The following INPP4B variants were observed in gnomAD, a reference collection of about 807,000 sequenced individuals.
The protein encoded by INPP4B is inositol polyphosphate-4-phosphatase type II B, also known as inositol polyphosphate 4-phosphatase type II.
INPP4B carries 55 observed loss-of-function variants against 122.5 expected under a neutral mutation model. The observed-to-expected ratio is 0.45, with a 90% confidence interval of 0.36 to 0.56. The LOEUF (loss-of-function observed/expected upper bound fraction) is 0.56. INPP4B is among the 20% of genes least tolerant of loss of function. The pLI, the probability that INPP4B is intolerant of heterozygous loss-of-function variation, is 0.00. For synonymous variants in INPP4B, 403 were observed against 388.7 expected, an observed-to-expected ratio of 1.04 and a Z score of -0.43; for missense variants, 1,000 against 1,097.7, an observed-to-expected ratio of 0.91 and a Z score of 1.26.
At chr4:142,307,835 T>G (rs1223816865) in intron 8 of INPP4B, among the ~76,000 whole-genome samples, 1 of 152,192 alleles carries the variant, frequency 6.6e-6, no homozygotes, top group Non-Finnish European at 1.5e-5. Flanking sequence ...ATTTGCCTTT[T>G]AAGATTTTGG....
chr4:142,163,817 T>C (rs1821328014), intron 16 of INPP4B, among the ~76,000 whole-genome samples: 1 of 151,772 alleles, frequency 6.6e-6, no homozygotes, highest in Admixed American at 6.6e-5. Flanking sequence ...GTTGAAGTCA[T>C]GGAAAGGATG....
chr4:142,253,523 G>A (rs1050292831), intron 11 of INPP4B, among the ~76,000 whole-genome samples: 3 of 152,206 alleles, frequency 2.0e-5, no homozygotes, highest in Middle Eastern at 3.2e-3. Flanking sequence ...GAAGCAGGGC[G>A]AGGCATTGCC....
In INPP4B at chr4:142,557,957, A is replaced by G. The variant is rs564500521; in HGVS notation, c.-190-95231T>C. ...AACGAACTGTTCAACGACAAAGTCA[A>G]TCCTGTTTCTAAACTCTGTTTTGAC... On this transcript the variant is annotated intron_variant, in intron 2 of 25. Coordinates refer to ENST00000262992, the MANE Select transcript of INPP4B (RefSeq NM_001101669.3). Among the ~76,000 whole-genome samples, 354 of 152,312 alleles carry G rather than the reference A, an allele frequency of 2.3e-3. 1 individual carries two copies. Among genetic ancestry groups the G allele is most frequent in the African/African-American group, 8.0e-3 (331 of 41,570 alleles).
At chr4:142,459,923 T>A (rs1355413046) in intron 3 of INPP4B, among the ~76,000 whole-genome samples, 2 of 152,192 alleles carry the variant, frequency 1.3e-5, no homozygotes, top group Non-Finnish European at 2.9e-5. Context: ...AAAAATACTT[T>A]TAATAAAAGG....
intron 7 of INPP4B, among the ~76,000 whole-genome samples, chr4:142,399,990 T>C (rs937799345): frequency 6.6e-6 from 1 of 152,174 alleles, no homozygotes; most frequent in Non-Finnish European, 1.5e-5. Context: ...TTATGATGAT[T>C]AATTGCATTT....
chr4:142,430,513 GA>G (rs1428812722), intron 4 of INPP4B, among the ~76,000 whole-genome samples: 2 of 151,872 alleles, frequency 1.3e-5, no homozygotes, highest in Non-Finnish European at 2.9e-5. Flanking sequence ...GAAAAGAAAG[GA>G]AAAAGGCATA....
chr4:142,141,638 G>T (rs1203336087), intron 18 of INPP4B, among the ~76,000 whole-genome samples: 1 of 152,010 alleles, frequency 6.6e-6, no homozygotes, highest in Non-Finnish European at 1.5e-5. Context: ...GCAAGCCAAA[G>T]ATATACTGTA....
Position 142,327,474 on chromosome 4 carries a change from G to A in INPP4B, c.373-12712C>T, listed in dbSNP as rs150620632. Among the ~76,000 whole-genome samples, 644 of 152,154 alleles carry A rather than the reference G, an allele frequency of 4.2e-3. 8 individuals are homozygous for A. Among genetic ancestry groups the A allele is most frequent in the African/African-American group, 0.014 (596 of 41,508 alleles). ...AAAAAAAGTATATGGGCATGGAGTGGAGGGGCTTTCAAGGTAGCTCTCCAA... is the reference window on the plus strand; with the variant it reads ...AAAAAAAGTATATGGGCATGGAGTGAAGGGGCTTTCAAGGTAGCTCTCCAA... On this transcript the variant is annotated intron_variant, in intron 7 of 25. Transcript: ENST00000262992.
At chr4:142,529,707 T>C (rs766086244) in intron 2 of INPP4B, among the ~76,000 whole-genome samples, 1 of 151,966 alleles carries the variant, frequency 6.6e-6, no homozygotes, top group Non-Finnish European at 1.5e-5. Flanking sequence ...CAGACAAAAA[T>C]ATTTGAGAAC....
At chr4:142,289,956 C>A (rs774674989) in intron 9 of INPP4B, among the ~76,000 whole-genome samples, 1 of 152,160 alleles carries the variant, frequency 6.6e-6, no homozygotes, top group African/African-American at 2.4e-5. Flanking sequence ...CACCTCCCTG[C>A]AAACCACCAT....
intron 9 of INPP4B, among the ~76,000 whole-genome samples, chr4:142,298,003 T>C (rs570955011): frequency 2.0e-5 from 3 of 152,328 alleles, no homozygotes; most frequent in South Asian, 4.1e-4. Context: ...TAAAGAGACA[T>C]GTCTGGGTAA....
chr4:142,806,786 G>GAAGGAAGGAAAGAAAGAAAGAAAGAAA (rs1554013556), intron 1 of INPP4B, among the ~76,000 whole-genome samples: 1 of 75,948 alleles, frequency 1.3e-5, no homozygotes. Context: ...AAAGAAAGAA[G>GAAGGAAGGAAAGAAAGAAAGAAAGAAA]GAAAGAAAGA....
rs773933095 is a variant in INPP4B, at chr4:142,237,872, A to G, written c.828T>C (p.Asp276=). 1 of 1,554,612 alleles carries G rather than the reference A, an allele frequency of 6.4e-7. No homozygotes were observed. The highest frequency in any genetic ancestry group is 1.7e-5 in the Admixed American group (1 of 58,066). ...TAGTTATTTTCTCTTACCTGCACAAATCTTCTTTAATGTGAAGGGAAATCA... is the reference window on the plus strand; with the variant it reads ...TAGTTATTTTCTCTTACCTGCACAAGTCTTCTTTAATGTGAAGGGAAATCA... ...KELISLHIKE[D]LCRNQEIKEL... Residue 276 remains aspartate (D), a synonymous_variant, in exon 12 of 26, where the codon GAT becomes GAC. Transcript: ENST00000262992.
intron 2 of INPP4B, among the ~76,000 whole-genome samples, chr4:142,522,292 T>G (rs1233252812): frequency 6.6e-6 from 1 of 151,954 alleles, no homozygotes; most frequent in Non-Finnish European, 1.5e-5. Flanking sequence ...TTGTGTCATG[T>G]AGACATTTAC....
chr4:142,562,732 T>C (rs1332187391), intron 2 of INPP4B, among the ~76,000 whole-genome samples: 1 of 151,980 alleles, frequency 6.6e-6, no homozygotes, highest in Non-Finnish European at 1.5e-5. Context: ...GATAATAAAA[T>C]AAAGAGAAAT....
intron 1 of INPP4B, among the ~76,000 whole-genome samples, chr4:142,788,639 T>C (rs1447959118): frequency 2.0e-5 from 3 of 151,920 alleles, no homozygotes; most frequent in African/African-American, 7.2e-5. Flanking sequence ...CCCCACTGAG[T>C]CCCCAAAGTT....
intron 9 of INPP4B, among the ~76,000 whole-genome samples, chr4:142,293,467 T>C (rs1286244002): frequency 1.3e-5 from 2 of 152,330 alleles, no homozygotes; most frequent in Non-Finnish European, 1.5e-5. Flanking sequence ...TGTATTCAAG[T>C]AAAACAACAT....
intron 2 of INPP4B, among the ~76,000 whole-genome samples, chr4:142,560,288 A>C (rs1730167998): frequency 6.6e-6 from 1 of 152,198 alleles, no homozygotes; most frequent in Admixed American, 6.5e-5. Context: ...AAGCTGTGAC[A>C]CTGCATGGGC....
intron 2 of INPP4B, among the ~76,000 whole-genome samples, chr4:142,648,669 G>A (rs1580615662): frequency 6.6e-6 from 1 of 152,386 alleles, no homozygotes; most frequent in Middle Eastern, 3.4e-3. Flanking sequence ...TGGCCAGGAA[G>A]CTCAAACTGG....
Sources: allele counts gnomAD v4.1 joint callset (sites outside exome capture counted in the v4.1 genomes callset), GRCh38; gene constraint gnomAD v4.1.1; transcripts MANE v1.5; gene names NCBI Gene and HGNC (gene_info 2026-07-23, HGNC 2026-07-21).